SAMD3: variants seen among roughly 807,000 people sequenced by gnomAD.
The protein encoded by SAMD3 is sterile alpha motif domain-containing protein 3.
Under a neutral mutation model 58.5 loss-of-function variants are expected in SAMD3, and 63 were observed. The ratio of observed to expected loss-of-function variants is 1.08; its 90% CI spans 0.88 to 1.33. The LOEUF (loss-of-function observed/expected upper bound fraction) is 1.33. Ranked by LOEUF, SAMD3 falls within the 40% of genes most tolerant of loss-of-function variation. SAMD3 has a pLI of 0.00. For synonymous variants in SAMD3, 220 were observed against 210.3 expected (o/e 1.05, Z -0.40); for missense variants, 604 against 608.4 (o/e 0.99, Z 0.08).
At chr6:130,187,593 A>G (rs1793122993) in intron 5 of SAMD3, among the ~76,000 whole-genome samples, 1 of 152,216 alleles carries the variant, frequency 6.6e-6, no homozygotes, top group Non-Finnish European at 1.5e-5. Context: ...TTAAAAATAC[A>G]TTCTAATTTG....
chr6:130,285,604 T>G (rs950299398), intron 2 of SAMD3, among the ~76,000 whole-genome samples: 4 of 152,192 alleles, frequency 2.6e-5, no homozygotes, highest in Non-Finnish European at 4.4e-5. Flanking sequence ...CATGACATTA[T>G]AGAGCCAACT....
At chr6:130,174,338 T>C (rs113371209) in intron 8 of SAMD3, among the ~76,000 whole-genome samples, 2 of 152,136 alleles carry the variant, frequency 1.3e-5, no homozygotes, top group Non-Finnish European at 2.9e-5. Flanking sequence ...GATCTGCAGA[T>C]TGCAAAAACT....
At chr6:130,250,055 G>A (rs1003448630) in intron 2 of SAMD3, among the ~76,000 whole-genome samples, 3 of 152,202 alleles carry the variant, frequency 2.0e-5, no homozygotes, top group East Asian at 1.9e-4. Context: ...GGAAATATGC[G>A]GGAATGGAGA....
At chr6:130,299,970 A>T (rs1775690770) in intron 2 of SAMD3, among the ~76,000 whole-genome samples, 1 of 152,182 alleles carries the variant, frequency 6.6e-6, no homozygotes, top group Non-Finnish European at 1.5e-5. Flanking sequence ...GTAATAAAAA[A>T]TCTACCAAAC....
chr6:130,363,503 G>T (rs774599958), intron 1 of SAMD3, among the ~76,000 whole-genome samples: 7 of 151,950 alleles, frequency 4.6e-5, no homozygotes, highest in Non-Finnish European at 1.0e-4. Flanking sequence ...TTTTTTTGAT[G>T]ATGTTAATTG....
At chr6:130,181,869 T>G (rs1038715890) in intron 7 of SAMD3, among the ~76,000 whole-genome samples, 1 of 151,942 alleles carries the variant, frequency 6.6e-6, no homozygotes, top group African/African-American at 2.4e-5. Flanking sequence ...ACAAGTTCTA[T>G]CCTGGCTAAC....
intron 9 of SAMD3, among the ~76,000 whole-genome samples, chr6:130,151,045 G>A (rs910623024): frequency 1.5e-4 from 23 of 151,994 alleles, no homozygotes; most frequent in African/African-American, 5.1e-4. Flanking sequence ...GTGAAGTCTC[G>A]GCTCTCAGCC....
At chr6:130,327,690 G>C (rs1047214300) in intron 1 of SAMD3, among the ~76,000 whole-genome samples, 2 of 152,282 alleles carry the variant, frequency 1.3e-5, no homozygotes, top group South Asian at 2.1e-4. Context: ...GTGTGGAACA[G>C]ATATTGATAT....
At chr6:130,181,011 G>A (rs1792278986) in intron 7 of SAMD3, among the ~76,000 whole-genome samples, 1 of 143,454 alleles carries the variant, frequency 7.0e-6, no homozygotes, top group Non-Finnish European at 1.5e-5. Context: ...GCAATGGCGT[G>A]ATCTCAGCTC....
intron 1 of SAMD3, among the ~76,000 whole-genome samples, chr6:130,323,929 A>G (rs915419266): frequency 6.6e-6 from 1 of 152,104 alleles, no homozygotes; most frequent in Non-Finnish European, 1.5e-5. Flanking sequence ...GCATATGCTC[A>G]ATAAATATTT....
intron 4 of SAMD3, among the ~76,000 whole-genome samples, 188 bp downstream of exon 4, chr6:130,214,149 T>C (rs9492494): frequency 1.6e-4 from 25 of 152,138 alleles, no homozygotes; most frequent in Non-Finnish European, 3.5e-4. Context: ...TAAAAAATGG[T>C]GAATAAAAAC....
intron 9 of SAMD3, among the ~76,000 whole-genome samples, chr6:130,151,569 G>C (rs1789191678): frequency 1.3e-5 from 2 of 152,186 alleles, no homozygotes; most frequent in South Asian, 2.1e-4. Context: ...AGCCTCCTTA[G>C]TAGCTGGGAT....
upstream of SAMD3, chr6:130,365,851 G>A (rs898947393): frequency 5.1e-6 from 5 of 985,528 alleles, no homozygotes; most frequent in Non-Finnish European, 4.8e-6. Context: ...TCCTCCAGGA[G>A]GAGTGGGTGG....
Position 130,347,651 on chromosome 6 carries a change from T to C in SAMD3, c.-304+17469A>G, listed in dbSNP as rs140346678. Among the ~76,000 whole-genome samples, 784 of 152,186 alleles carry C rather than the reference T, an allele frequency of 5.2e-3. 11 individuals are homozygous for C. Among genetic ancestry groups the C allele is most frequent in the African/African-American group, 0.016 (654 of 41,532 alleles). On this transcript the variant is annotated intron_variant, in intron 1 of 13. Transcript: ENST00000368134. ...GAATGGAACCAAGTTGGAACACACT[T>C]TGCAGGATATTATCCAGGAGAACTT...
intron 1 of SAMD3, among the ~76,000 whole-genome samples, chr6:130,341,820 C>T (rs1257823195): frequency 6.6e-6 from 1 of 152,118 alleles, no homozygotes; most frequent in Non-Finnish European, 1.5e-5. Context: ...CCGTGTCTTC[C>T]CCATTTTCTG....
At chr6:130,150,911 C>T (rs1002026944) in intron 9 of SAMD3, among the ~76,000 whole-genome samples, 91 of 151,978 alleles carry the variant, frequency 6.0e-4, no homozygotes, top group African/African-American at 1.9e-3. Context: ...AGGGTTTCAC[C>T]ATGTTGGCCA....
chr6:130,344,337 T>C (rs1160254535), intron 1 of SAMD3, among the ~76,000 whole-genome samples: 1 of 152,224 alleles, frequency 6.6e-6, no homozygotes, highest in Non-Finnish European at 1.5e-5. Context: ...TCTTAATATA[T>C]TCTGCTTAAA....
intron 1 of SAMD3, among the ~76,000 whole-genome samples, chr6:130,329,040 C>A (rs1414499848): frequency 6.8e-6 from 1 of 146,268 alleles, no homozygotes; most frequent in South Asian, 2.3e-4. Context: ...ATCTCTCTCT[C>A]TCCCTCTCTC....
intron 5 of SAMD3, among the ~76,000 whole-genome samples, chr6:130,201,782 T>C (rs954562172): frequency 5.3e-5 from 8 of 152,232 alleles, no homozygotes; most frequent in African/African-American, 1.9e-4. Context: ...TTCATTTTCC[T>C]TAAGATAAAC....
Sources: allele counts gnomAD v4.1 joint callset (sites outside exome capture counted in the v4.1 genomes callset), GRCh38; gene constraint gnomAD v4.1.1; transcripts MANE v1.5; gene names NCBI Gene and HGNC (gene_info 2026-07-23, HGNC 2026-07-21).